ACSS3: variants seen among roughly 807,000 people sequenced by gnomAD.
ACSS3 encodes acyl-CoA synthetase short chain family member 3, also known as acyl-CoA synthetase short-chain family member 3, mitochondrial.
Under a neutral mutation model 84.2 loss-of-function variants are expected in ACSS3, and 64 were observed. The ratio of observed to expected loss-of-function variants is 0.76; its 90% confidence interval spans 0.62 to 0.94. The LOEUF (loss-of-function observed/expected upper bound fraction) is 0.94, where lower values mean the gene tolerates loss of function less well. Ranked by LOEUF, ACSS3 falls within the 40% of genes least tolerant of loss-of-function variation. The pLI is 0.00. For synonymous variants in ACSS3, 317 were observed against 310.1 expected (o/e 1.02, Z -0.23); for missense variants, 815 against 867.6 (o/e 0.94, Z 0.76).
intron 9 of ACSS3, among the ~76,000 whole-genome samples, chr12:81,213,112 C>T (rs2032659494): frequency 6.6e-6 from 1 of 152,154 alleles, no homozygotes; most frequent in African/African-American, 2.4e-5. Flanking sequence ...TGCAACATGA[C>T]ATCTAGATTT....
At chr12:81,215,230 C>G (rs2032863866) in intron 9 of ACSS3, among the ~76,000 whole-genome samples, 1 of 152,120 alleles carries the variant, frequency 6.6e-6, no homozygotes, top group Non-Finnish European at 1.5e-5. Context: ...ATACCTTCCC[C>G]CCTGCCCCCC....
In ACSS3 at chr12:81,186,343, G is replaced by A. The variant is rs2135857674; in HGVS notation, c.1250+11404G>A. On this transcript the variant is annotated intron_variant, in intron 8 of 15. Coordinates refer to ENST00000548058, the MANE Select transcript of ACSS3 (RefSeq NM_024560.4). ...CATATCAAATGCTCAGGCCACAAAA[G>A]CAAAAATGAATAAATGGAATTACAT... 2.0e-5 allele frequency among the ~76,000 whole-genome samples: 3 copies of A among 151,748 alleles called. 1 individual carries two copies. The highest frequency in any genetic ancestry group is 6.8e-3 in the Middle Eastern group (2 of 294).
intron 7 of ACSS3, among the ~76,000 whole-genome samples, chr12:81,171,731 C>G (rs2030058714): frequency 6.6e-6 from 1 of 152,070 alleles, no homozygotes; most frequent in Non-Finnish European, 1.5e-5. Flanking sequence ...TTTACTAATA[C>G]AGTCATATAT....
At chr12:81,225,156 T>TTGTG (rs141396702) in intron 11 of ACSS3, among the ~76,000 whole-genome samples, 13 of 149,674 alleles carry the variant, frequency 8.7e-5, no homozygotes, top group African/African-American at 2.4e-4. Flanking sequence ...GGGAACTACT[T>TTGTG]TGTGTGTGTG....
chr12:81,260,351 T>C lies in ACSS3; in HGVS notation c.*5429T>C, dbSNP rs910883283. 10 of 152,120 alleles carry C rather than the reference T, an allele frequency of 6.6e-5. No individual in the cohort carries two copies. The highest frequency in any genetic ancestry group is 1.9e-4 in the African/African-American group (8 of 41,418). 9.4% of individuals were successfully genotyped at this position (152,120 alleles called of 1,614,324 possible). A position where few individuals can be genotyped will look rare whatever the true frequency, so the allele number is the denominator to read the frequency against. ...TAGAATGTCATGCACAAAAAACAGATTGCAAATAGAGTAACTCTACCCATC... is the reference window on the plus strand; with the variant it reads ...TAGAATGTCATGCACAAAAAACAGACTGCAAATAGAGTAACTCTACCCATC... On this transcript the variant is annotated 3_prime_UTR_variant, in exon 16 of 16. Transcript: ENST00000548058.
At chr12:81,077,985 A>C (rs1351583026), upstream of ACSS3, 1 of 1,098,024 alleles carries the variant, frequency 9.1e-7, no homozygotes, top group Non-Finnish European at 1.2e-6. Flanking sequence ...CGGCGACTCT[A>C]GTGTGGCTTC....
At chr12:81,108,647 C>A (rs1464559378) in intron 1 of ACSS3, among the ~76,000 whole-genome samples, 1 of 152,142 alleles carries the variant, frequency 6.6e-6, no homozygotes, top group Non-Finnish European at 1.5e-5. Context: ...TCATTTCACA[C>A]AGGGCTCTTT....
intron 9 of ACSS3, among the ~76,000 whole-genome samples, chr12:81,211,712 G>A (rs1052776469): frequency 6.6e-6 from 1 of 152,162 alleles, no homozygotes; most frequent in African/African-American, 2.4e-5. Flanking sequence ...CCTGAATGGT[G>A]TGTAACTATT....
intron 9 of ACSS3, chr12:81,199,737 C>A: frequency 7.8e-7 from 1 of 1,277,432 alleles, no homozygotes. Context: ...TCAGATTTTC[C>A]TTTGAAGTGT....
intron 13 of ACSS3, among the ~76,000 whole-genome samples, chr12:81,243,806 G>A (rs1414102693): frequency 2.0e-5 from 3 of 152,064 alleles, no homozygotes; most frequent in African/African-American, 7.2e-5. Context: ...TAGCACATTA[G>A]CATATACACA....
intron 3 of ACSS3, among the ~76,000 whole-genome samples, chr12:81,136,078 G>T (rs974029984): frequency 3.9e-5 from 6 of 152,074 alleles, no homozygotes; most frequent in Non-Finnish European, 8.8e-5. Context: ...CATATAACTA[G>T]TTTTACAATC....
intron 7 of ACSS3, among the ~76,000 whole-genome samples, chr12:81,172,099 T>C (rs2030094877): frequency 6.6e-6 from 1 of 151,790 alleles, no homozygotes; most frequent in African/African-American, 2.4e-5. Context: ...AAACCCAGTC[T>C]CTACTAAAAA....
intron 11 of ACSS3, among the ~76,000 whole-genome samples, chr12:81,222,962 G>T (rs1159246519): frequency 6.6e-6 from 1 of 151,976 alleles, no homozygotes; most frequent in Non-Finnish European, 1.5e-5. Flanking sequence ...AAAGTTAAGG[G>T]ATCTGAATTC....
chr12:81,221,442 A>T (rs1214502224), intron 11 of ACSS3, among the ~76,000 whole-genome samples: 4 of 152,130 alleles, frequency 2.6e-5, no homozygotes, highest in Non-Finnish European at 5.9e-5. Flanking sequence ...AATTCTATGA[A>T]AATTACATGG....
intron 1 of ACSS3, among the ~76,000 whole-genome samples, chr12:81,100,666 T>C (rs1882436925): frequency 6.6e-6 from 1 of 152,230 alleles, no homozygotes; most frequent in Admixed American, 6.5e-5. Context: ...TAGTACATCA[T>C]AGCCCAGGTA....
At chr12:81,241,458 T>A (rs890911463) in intron 13 of ACSS3, among the ~76,000 whole-genome samples, 2 of 152,178 alleles carry the variant, frequency 1.3e-5, no homozygotes, top group Non-Finnish European at 2.9e-5. Context: ...ATCAACAGTG[T>A]AAAAGTGTTC....
At chr12:81,213,958 T>TTC (rs1565724330) in intron 9 of ACSS3, among the ~76,000 whole-genome samples, 717 of 3,556 alleles carry the variant, frequency 0.2, 75 homozygotes, top group Non-Finnish European at 0.28. Context: ...TCCCTCTCTC[T>TTC]CTTTCTTTCT....
chr12:81,145,991 A>G (rs1271248781), intron 5 of ACSS3, among the ~76,000 whole-genome samples: 2 of 152,194 alleles, frequency 1.3e-5, no homozygotes, highest in Non-Finnish European at 2.9e-5. Flanking sequence ...TAGGGTTGAA[A>G]TTGCTTTAAA....
chr12:81,143,319 C>A, intron 5 of ACSS3, 72 bp downstream of exon 5: 1 of 1,366,798 alleles, frequency 7.3e-7, no homozygotes, highest in Non-Finnish European at 9.8e-7. Flanking sequence ...TGATCACTGA[C>A]TGGAAATGTT....
Sources: gnomAD v4.1 joint callset for allele counts (sites outside exome capture counted in the v4.1 genomes callset) on GRCh38, gnomAD v4.1.1 for gene constraint, MANE v1.5 for transcripts, NCBI Gene and HGNC (gene_info 2026-07-23, HGNC 2026-07-21) for gene names.